OBP2B: variants seen among roughly 807,000 people sequenced by gnomAD.
OBP2B encodes the protein odorant-binding protein 2b.
In OBP2B, 10 loss-of-function variants were observed where a neutral mutation model predicts 21.7. The ratio of observed to expected loss-of-function variants is 0.46; its 90% CI spans 0.28 to 0.78. The LOEUF is 0.78. Ranked by LOEUF, OBP2B falls within the 30% of genes least tolerant of loss-of-function variation. The pLI is 0.11. For synonymous variants in OBP2B, 73 were observed against 91.5 expected (o/e 0.80, Z 1.16); for missense variants, 153 against 217.7 (o/e 0.70, Z 1.87).
At chr9:133,215,820 A>G in the OBP2B span, among the ~76,000 whole-genome samples, 1 of 152,380 alleles carries the variant, frequency 6.6e-6, no homozygotes, top group East Asian at 1.9e-4. Flanking sequence ...TGCAAAAGCA[A>G]TTCAATGGAA....
At chr9:133,211,706 A>C (rs1167741702), upstream of OBP2B, among the ~76,000 whole-genome samples, 1 of 152,238 alleles carries the variant, frequency 6.6e-6, no homozygotes, top group African/African-American at 2.4e-5. Context: ...TAACATCATT[A>C]ACATATTTTG....
chr9:133,216,849 T>C, the OBP2B span, among the ~76,000 whole-genome samples: 2 of 151,832 alleles, frequency 1.3e-5, no homozygotes, highest in Non-Finnish European at 2.9e-5. Flanking sequence ...ATTGCTGGGG[T>C]TGGGGCTGGA....
At chr9:133,207,141 G>T in intron 4 of OBP2B, 85 bp downstream of exon 4, 1 of 961,918 alleles carries the variant, frequency 1.0e-6, no homozygotes, top group Non-Finnish European at 1.7e-6. Context: ...TTTCCCCCAT[G>T]CCAGGGCATG....
chr9:133,219,345 G>GA, the OBP2B span, among the ~76,000 whole-genome samples: 2 of 152,162 alleles, frequency 1.3e-5, no homozygotes, highest in African/African-American at 2.4e-5. Flanking sequence ...CAGAACGTGA[G>GA]AAAATACTTG....
intron 4 of OBP2B, 37 bp from the exon 5 acceptor site, chr9:133,206,453 C>T: frequency 3.7e-6 from 6 of 1,610,008 alleles, no homozygotes; most frequent in Non-Finnish European, 5.1e-6. Context: ...GACGTGGGGA[C>T]AGCGGCACGG....
chr9:133,207,114 G>T, intron 4 of OBP2B, 112 bp downstream of exon 4: 1 of 758,808 alleles, frequency 1.3e-6, no homozygotes, highest in South Asian at 1.5e-5. Flanking sequence ...CATGAAAGCC[G>T]GCACAGGGGG....
intron 1 of OBP2B, 143 bp from the exon 2 acceptor site, chr9:133,208,745 T>C: frequency 7.0e-7 from 1 of 1,422,246 alleles, no homozygotes; most frequent in African/African-American, 1.4e-5. Flanking sequence ...GCACCTTAGT[T>C]AGAGCTCAGC....
At chr9:133,208,025 G>C (rs1201176253) in intron 3 of OBP2B, 108 bp downstream of exon 3, 44 of 1,509,720 alleles carry the variant, frequency 2.9e-5, no homozygotes, top group Non-Finnish European at 3.8e-5. Context: ...GGTGGGCAGA[G>C]CTGGGGCCCT....
At chr9:133,207,750 C>A (rs1475316069) in intron 3 of OBP2B, 8 of 869,974 alleles carry the variant, frequency 9.2e-6, no homozygotes, top group African/African-American at 1.7e-5. Context: ...TGGCCCCCGT[C>A]CCTAACCCTC....
chr9:133,220,330 T>A, the OBP2B span, among the ~76,000 whole-genome samples: 28 of 152,360 alleles, frequency 1.8e-4, no homozygotes, highest in Non-Finnish European at 4.0e-4. Flanking sequence ...GGCTACACAA[T>A]GGAAGATGCA....
chr9:133,216,749 G>GA, the OBP2B span, among the ~76,000 whole-genome samples: 7,805 of 147,068 alleles, frequency 0.053, 588 homozygotes, highest in African/African-American at 0.17. Context: ...TGCTGCACAG[G>GA]AAAAAAAAAA....
the OBP2B span, among the ~76,000 whole-genome samples, chr9:133,219,867 A>T: frequency 1.6e-4 from 24 of 152,224 alleles, no homozygotes; most frequent in Non-Finnish European, 3.2e-4. Flanking sequence ...AAGTAGAAAC[A>T]ACTCAAATGT....
chr9:133,212,728 C>T (rs1588620711), upstream of OBP2B, among the ~76,000 whole-genome samples: 1 of 152,192 alleles, frequency 6.6e-6, no homozygotes, highest in African/African-American at 2.4e-5. Flanking sequence ...ATCAGGAATT[C>T]GAGACCAGCC....
chr9:133,207,092 C>T (rs1245379014), intron 4 of OBP2B, 134 bp downstream of exon 4: 28 of 660,626 alleles, frequency 4.2e-5, no homozygotes, highest in South Asian at 2.3e-4. Flanking sequence ...GGCTGCCCAG[C>T]GGTGCCCGGC....
chr9:133,220,842 G>A, the OBP2B span, among the ~76,000 whole-genome samples: 6 of 152,222 alleles, frequency 3.9e-5, no homozygotes, highest in African/African-American at 1.2e-4. Context: ...GCTGGGGAGC[G>A]AGGGAGGGAG....
the OBP2B span, among the ~76,000 whole-genome samples, chr9:133,215,540 A>G: frequency 4.0e-5 from 6 of 151,812 alleles, no homozygotes; most frequent in Non-Finnish European, 8.8e-5. Flanking sequence ...TTTTTTAGAG[A>G]CAGAGTCTTG....
In OBP2B at chr9:133,206,401, G is replaced by A. The variant is rs1833712790; in HGVS notation, c.404C>T (p.Thr135Ile). The A allele has an allele frequency of 8.7e-6, 14 of 1,614,030 alleles. No individual in the cohort carries two copies. The highest frequency in any genetic ancestry group is 1.2e-5 in the Non-Finnish European group (14 of 1,179,968). Residue 135 changes from threonine to isoleucine, a missense_variant, in exon 5 of 7, where the codon ACC becomes ATC. Thr to Ile is a moderately conservative substitution (Grantham distance 89). Coordinates refer to ENST00000372034, the MANE Select transcript of OBP2B (RefSeq NM_014581.4). ...AAATTCTTCCAGGGCCTCCCGGTTG[G>A]TATCAGAATTCCTACCTGCAGGTGA... ...MGKLVGRNSD[T>I]NREALEEFKK...
the OBP2B span, among the ~76,000 whole-genome samples, chr9:133,214,621 G>A: frequency 6.6e-6 from 1 of 152,226 alleles, no homozygotes; most frequent in Non-Finnish European, 1.5e-5. Context: ...GGATTCTGCA[G>A]CTGGGTCTCT....
At chr9:133,219,187 A>G in the OBP2B span, among the ~76,000 whole-genome samples, 2 of 152,266 alleles carry the variant, frequency 1.3e-5, no homozygotes, top group East Asian at 3.8e-4. Flanking sequence ...GAAGATGTGT[A>G]AATCTCTGTG....
Sources: allele counts gnomAD v4.1 joint callset (sites outside exome capture counted in the v4.1 genomes callset), GRCh38; gene constraint gnomAD v4.1.1; transcripts MANE v1.5; gene names NCBI Gene and HGNC (gene_info 2026-07-23, HGNC 2026-07-21).